The following XRCC4 variants were observed in gnomAD, a reference collection of about 807,000 sequenced individuals.
The protein encoded by XRCC4 is X-ray repair cross complementing 4, also known as DNA repair protein XRCC4.
Under a neutral mutation model 39.1 loss-of-function variants are expected in XRCC4, and 28 were observed. The observed-to-expected ratio is 0.72, with a 90% CI of 0.53 to 0.98. The LOEUF is 0.98. Ranked by LOEUF, XRCC4 falls within the 50% of genes least tolerant of loss-of-function variation. The pLI is 0.00. For synonymous variants in XRCC4, 123 were observed against 126.4 expected (o/e 0.97, Z 0.18); for missense variants, 350 against 376.4 (o/e 0.93, Z 0.58).
chr5:83,174,590 C>G (rs1368248500), intron 3 of XRCC4, among the ~76,000 whole-genome samples: 1 of 152,128 alleles, frequency 6.6e-6, no homozygotes, highest in Non-Finnish European at 1.5e-5. Context: ...TTTGAGATTG[C>G]TTTTTGAAAA....
At chr5:83,134,097 C>A (rs888802897) in intron 3 of XRCC4, among the ~76,000 whole-genome samples, 3 of 152,204 alleles carry the variant, frequency 2.0e-5, no homozygotes, top group Non-Finnish European at 4.4e-5. Context: ...CATGCTTGGA[C>A]CGCTGTTCCC....
chr5:83,133,507 C>G lies in XRCC4; in HGVS notation c.315+22304C>G, dbSNP rs534835993. On this transcript the variant is annotated intron_variant, in intron 3 of 7. Transcript: ENST00000396027. ...CAAAGGTGGATTCTACAGAGCCAGG[C>G]AGGCCTCCTTGAGCTGCGTTGGGCT... Among the ~76,000 whole-genome samples, 131 of 152,348 alleles carry G rather than the reference C, an allele frequency of 8.6e-4. No homozygotes were observed. The Middle Eastern group carries it at 0.01, about 12-fold the overall frequency.
In XRCC4 at chr5:83,115,284, G is replaced by A. The variant is rs117361090; in HGVS notation, c.315+4081G>A. 1.2e-3 allele frequency among the ~76,000 whole-genome samples: 181 copies of A among 152,214 alleles called. 2 individuals carry two copies. In the East Asian group the frequency reaches 0.02, roughly 17 times the overall value. On this transcript the variant is annotated intron_variant, in intron 3 of 7. Transcript: ENST00000396027. The stretch of plus-strand genomic sequence containing the variant: ...CTCTACTAAGAATACAAAATTAGCT[G>A]TGCATGGTGGCGCATACCTGTAATT...
intron 7 of XRCC4, among the ~76,000 whole-genome samples, chr5:83,331,945 A>G (rs1410861145): frequency 6.6e-6 from 1 of 152,112 alleles, no homozygotes; most frequent in African/African-American, 2.4e-5. Flanking sequence ...GATAGTACCA[A>G]ATGACTTCAA....
intron 3 of XRCC4, among the ~76,000 whole-genome samples, chr5:83,185,693 TA>T: frequency 6.6e-6 from 1 of 152,130 alleles, no homozygotes. Context: ...GGATAGAAAC[TA>T]ATGAGACTGA....
rs568888151 is a variant in XRCC4 at position 83,346,380 on chromosome 5, A to G, written c.894-6751A>G. On this transcript the variant is annotated intron_variant, in intron 7 of 7. Transcript: ENST00000396027. ...TTCTATTGAGATTCAGAATATCTAGATTCAGAATATCCCCTATTGAACCAC... is the reference window on the plus strand; with the variant it reads ...TTCTATTGAGATTCAGAATATCTAGGTTCAGAATATCCCCTATTGAACCAC... 7.2e-5 allele frequency among the ~76,000 whole-genome samples: 11 copies of G among 152,298 alleles called. No individual in the cohort carries two copies. In the South Asian group the frequency reaches 1.9e-3, roughly 26 times the overall value.
chr5:83,260,273 A>T (rs1219263167), intron 7 of XRCC4, among the ~76,000 whole-genome samples: 1 of 152,140 alleles, frequency 6.6e-6, no homozygotes. Flanking sequence ...TATGGGAAAG[A>T]ATAAAATTAT....
At chr5:83,212,592 T>A (rs970339815) in intron 6 of XRCC4, among the ~76,000 whole-genome samples, 1 of 152,030 alleles carries the variant, frequency 6.6e-6, no homozygotes. Context: ...AAACCATTAG[T>A]CTAAACATCC....
intron 7 of XRCC4, chr5:83,280,230 C>G: frequency 3.1e-6 from 1 of 326,914 alleles, no homozygotes; most frequent in Non-Finnish European, 6.0e-6. Flanking sequence ...ATTGCCCCAA[C>G]ACAGGTGGAA....
At chr5:83,145,953 CAGAGCTCT>C (rs1748433322) in intron 3 of XRCC4, among the ~76,000 whole-genome samples, 1 of 151,726 alleles carries the variant, frequency 6.6e-6, no homozygotes, top group South Asian at 2.1e-4. Context: ...TGACTAAAAG[CAGAGCTCT>C]ATACTTAGCT....
chr5:83,301,076 AATCCTTTGGG>A (rs1755267815), intron 7 of XRCC4, among the ~76,000 whole-genome samples: 1 of 152,186 alleles, frequency 6.6e-6, no homozygotes, highest in Non-Finnish European at 1.5e-5. Context: ...AATGATTTAT[AATCCTTTGGG>A]TATATACCCA....
In XRCC4 at chr5:83,217,673, G is replaced by A. The variant is rs548262759; in HGVS notation, c.745+12752G>A. Among the ~76,000 whole-genome samples, 7 of 152,282 alleles carry A rather than the reference G, an allele frequency of 4.6e-5. 1 individual carries two copies. In the South Asian group the frequency reaches 1.2e-3, roughly 27 times the overall value. On this transcript the variant is annotated intron_variant, in intron 6 of 7. Coordinates refer to ENST00000396027, the MANE Select transcript of XRCC4 (RefSeq NM_003401.5). The stretch of plus-strand genomic sequence containing the variant: ...GTAGCCTGTGTAACTCTTACCTGAA[G>A]TTTTTACTATACTCAACTTCAATGA...
intron 1 of XRCC4, among the ~76,000 whole-genome samples, chr5:83,103,008 T>TTATATATATATATATATATATA (rs1746011123): frequency 1.3e-4 from 2 of 15,742 alleles, no homozygotes; most frequent in South Asian, 2.6e-3. Context: ...AAGATAGAGC[T>TTATATATATATATATATATATA]GATATATATA....
intron 6 of XRCC4, among the ~76,000 whole-genome samples, chr5:83,238,028 A>T (rs1752757620): frequency 1.3e-5 from 2 of 152,148 alleles, no homozygotes; most frequent in African/African-American, 4.8e-5. Flanking sequence ...TAGTATTATG[A>T]AGATAACATA....
chr5:83,356,727 A>C (rs1042421775), downstream of XRCC4: 2 of 454,358 alleles, frequency 4.4e-6, no homozygotes. Flanking sequence ...TTAATTGTCT[A>C]TACTCTAAAC....
chr5:83,091,407 A>T (rs1030476778), intron 1 of XRCC4, among the ~76,000 whole-genome samples: 1 of 152,168 alleles, frequency 6.6e-6, no homozygotes, highest in Admixed American at 6.5e-5. Context: ...GCATGGGGGA[A>T]GTCGTCCCTG....
At chr5:83,163,981 C>G (rs1749341199) in intron 3 of XRCC4, among the ~76,000 whole-genome samples, 1 of 152,232 alleles carries the variant, frequency 6.6e-6, no homozygotes, top group Non-Finnish European at 1.5e-5. Flanking sequence ...TTTAGAAAAT[C>G]CACCCACCAT....
intron 7 of XRCC4, among the ~76,000 whole-genome samples, chr5:83,313,525 C>A (rs1209313954): frequency 6.6e-6 from 1 of 152,108 alleles, no homozygotes; most frequent in Non-Finnish European, 1.5e-5. Flanking sequence ...CTGATTACAG[C>A]ATGATTTACT....
intron 7 of XRCC4, among the ~76,000 whole-genome samples, chr5:83,276,698 T>C (rs1207190228): frequency 6.6e-6 from 1 of 152,202 alleles, no homozygotes; most frequent in East Asian, 1.9e-4. Flanking sequence ...AAGTTACCGT[T>C]TCCTATTTAA....
Sources: allele counts gnomAD v4.1 joint callset (sites outside exome capture counted in the v4.1 genomes callset), GRCh38; gene constraint gnomAD v4.1.1; transcripts MANE v1.5; gene names NCBI Gene and HGNC (gene_info 2026-07-23, HGNC 2026-07-21).